The following BAZ2B variants were observed in gnomAD, a reference collection of about 807,000 sequenced individuals.
BAZ2B encodes bromodomain adjacent to zinc finger domain protein 2B.
A neutral mutation model predicts 246.0 loss-of-function variants in BAZ2B; 91 were observed. The observed-to-expected ratio is 0.37, with a 90% CI of 0.31 to 0.44. BAZ2B has a LOEUF of 0.44. BAZ2B is among the 20% of genes least tolerant of loss of function. The pLI is 1.00. For missense variants in BAZ2B, 2,332 were observed against 2,533.7 expected, an observed-to-expected ratio of 0.92 and a Z score of 1.71; for synonymous variants, 855 against 860.0, an observed-to-expected ratio of 0.99 and a Z score of 0.10.
chr2:159,672,371 T>A, the BAZ2B span, among the ~76,000 whole-genome samples: 1 of 152,218 alleles, frequency 6.6e-6, no homozygotes, highest in African/African-American at 2.4e-5. Flanking sequence ...ATCCAAGGGA[T>A]CTCACCCACA....
Position 159,324,250 on chromosome 2 carries a change from T to G in BAZ2B, c.6353+561A>C, listed in dbSNP as rs1331816257. On this transcript the variant is annotated intron_variant, in intron 36 of 36. Transcript: ENST00000392783. ...TTGGAATAGGATTGCAAAGAGAATA[T>G]GGTAGAGAAAAGCAAATAAGCTTTC... Among the ~76,000 whole-genome samples the G allele has an allele frequency of 2.6e-5, 4 of 152,212 alleles. No homozygotes were observed. In the East Asian group the frequency reaches 7.7e-4, roughly 29 times the overall value.
At chr2:159,594,406 C>CAA (rs575668794) in intron 1 of BAZ2B, among the ~76,000 whole-genome samples, 4 of 140,202 alleles carry the variant, frequency 2.9e-5, no homozygotes, top group Non-Finnish European at 6.2e-5. Context: ...GACTCCGTCT[C>CAA]AAAAAAAAAA....
chr2:159,625,509 T>C, the BAZ2B span, among the ~76,000 whole-genome samples: 49 of 151,968 alleles, frequency 3.2e-4, no homozygotes, highest in African/African-American at 1.1e-3. Flanking sequence ...CAGAAGAGAG[T>C]GGGGGCCAAT....
intron 1 of BAZ2B, among the ~76,000 whole-genome samples, chr2:159,577,124 A>G (rs561880902): frequency 6.7e-6 from 1 of 150,154 alleles, no homozygotes; most frequent in East Asian, 1.9e-4. Context: ...GCTACTCGGA[A>G]GGCTGAGGCA....
the BAZ2B span, among the ~76,000 whole-genome samples, chr2:159,666,842 G>A: frequency 1.2e-3 from 175 of 151,788 alleles, no homozygotes; most frequent in Non-Finnish European, 2.0e-3. Flanking sequence ...GCAACAGAGC[G>A]AAGACTCCAT....
chr2:159,437,281 T>C (rs534324404), intron 8 of BAZ2B: 1 of 152,202 alleles, frequency 6.6e-6, no homozygotes, highest in Non-Finnish European at 1.5e-5. Context: ...TTAGTCTATG[T>C]AGTAAAATCA....
At position 159,443,384 on chromosome 2, in the gene BAZ2B, C is replaced by T. The variant is rs543971807; in HGVS notation, c.696+3398G>A. 1.8e-4 allele frequency among the ~76,000 whole-genome samples: 28 copies of T among 152,168 alleles called. No individual in the cohort carries two copies. The South Asian group carries it at 5.8e-3, about 32-fold the overall frequency. ...TGAGGGGACTGGACTTAATCAATGA[C>T]TTTCAATGAGAATGGCTGAGATAAG... is the stretch of plus-strand genomic sequence containing the variant. On this transcript the variant is annotated intron_variant, in intron 6 of 36. Coordinates refer to ENST00000392783, the MANE Select transcript of BAZ2B (RefSeq NM_013450.4).
At chr2:159,494,827 T>C (rs906619877) in intron 2 of BAZ2B, among the ~76,000 whole-genome samples, 6 of 152,234 alleles carry the variant, frequency 3.9e-5, no homozygotes, top group African/African-American at 1.4e-4. Flanking sequence ...CCATGAAGCA[T>C]GCTAGGCGCT....
chr2:159,604,498 T>C (rs1300739894), intron 1 of BAZ2B, among the ~76,000 whole-genome samples: 10 of 152,184 alleles, frequency 6.6e-5, no homozygotes, highest in Admixed American at 6.5e-4. Context: ...TAAAATGTAA[T>C]AGAATTACTT....
intron 2 of BAZ2B, among the ~76,000 whole-genome samples, chr2:159,503,919 A>G (rs955906048): frequency 1.3e-5 from 2 of 152,196 alleles, no homozygotes; most frequent in South Asian, 2.1e-4. Flanking sequence ...AAATCTCTTC[A>G]AAAGTTCCCA....
chr2:159,681,536 C>T, the BAZ2B span, among the ~76,000 whole-genome samples: 1 of 151,626 alleles, frequency 6.6e-6, no homozygotes, highest in Admixed American at 6.6e-5. Flanking sequence ...CTGATAAATG[C>T]TAGATTGAAA....
At chr2:159,663,081 C>T in the BAZ2B span, among the ~76,000 whole-genome samples, 1 of 151,958 alleles carries the variant, frequency 6.6e-6, no homozygotes, top group African/African-American at 2.4e-5. Flanking sequence ...GTATGATTTG[C>T]AAATATTTCT....
intron 8 of BAZ2B, chr2:159,437,865 T>C: frequency 6.3e-6 from 1 of 157,764 alleles, no homozygotes; most frequent in Non-Finnish European, 1.4e-5. Context: ...TGCAGTGAGC[T>C]GAGATTGAGC....
chr2:159,494,380 C>A (rs2080842023), intron 2 of BAZ2B, among the ~76,000 whole-genome samples: 1 of 152,086 alleles, frequency 6.6e-6, no homozygotes, highest in Non-Finnish European at 1.5e-5. Context: ...ATTTTACAAT[C>A]CCTAATCATA....
chr2:159,560,120 C>G lies in BAZ2B; in HGVS notation c.-45-4255G>C, dbSNP rs1290953624. 3.9e-5 allele frequency among the ~76,000 whole-genome samples: 6 copies of G among 152,150 alleles called. No homozygotes were observed. The South Asian group carries it at 1.2e-3, about 31-fold the overall frequency. On this transcript the variant is annotated intron_variant, in intron 1 of 36. Coordinates refer to ENST00000392783, the MANE Select transcript of BAZ2B (RefSeq NM_013450.4). ...TCTTTATGTACTCAATTTTAACATA[C>G]TCATGTCTTAACCTTTCCTTGACTA...
chr2:159,627,532 G>A, the BAZ2B span, among the ~76,000 whole-genome samples: 2 of 151,992 alleles, frequency 1.3e-5, no homozygotes, highest in African/African-American at 4.8e-5. Context: ...ATCAATAAAC[G>A]TAATCCATCA....
chr2:159,559,657 A>C (rs34318633), intron 1 of BAZ2B, among the ~76,000 whole-genome samples: 18,162 of 152,202 alleles, frequency 0.12, 1,247 homozygotes, highest in Middle Eastern at 0.22. Context: ...ACATGACTTA[A>C]TAGGTACTTG....
intron 1 of BAZ2B, among the ~76,000 whole-genome samples, chr2:159,605,709 A>G (rs1026193095): frequency 6.6e-6 from 1 of 152,178 alleles, no homozygotes; most frequent in African/African-American, 2.4e-5. Flanking sequence ...GCAACAGAGC[A>G]AGACCCTGTC....
intron 6 of BAZ2B, among the ~76,000 whole-genome samples, chr2:159,441,511 A>G (rs1333339010): frequency 1.6e-5 from 2 of 123,982 alleles, no homozygotes; most frequent in Non-Finnish European, 4.0e-5. Flanking sequence ...AAGTGTGAGT[A>G]TTAGAGAAAT....
Sources: gnomAD v4.1 joint callset for allele counts (sites outside exome capture counted in the v4.1 genomes callset) on GRCh38, gnomAD v4.1.1 for gene constraint, MANE v1.5 for transcripts, NCBI Gene and HGNC (gene_info 2026-07-23, HGNC 2026-07-21) for gene names.